The following PICK1 variants were observed in gnomAD, a reference collection of about 807,000 sequenced individuals.
PICK1 encodes the protein protein interacting with PRKCA 1.
PICK1 carries 23 observed loss-of-function variants against 48.9 expected under a neutral mutation model. That is an observed-to-expected ratio of 0.47 (90% CI 0.34 to 0.67). PICK1 has a LOEUF of 0.67. PICK1 is among the 30% of genes least tolerant of loss of function. PICK1 has a pLI of 0.01. For synonymous variants in PICK1, 217 were observed against 228.2 expected (o/e 0.95, Z 0.44); for missense variants, 423 against 557.1 (o/e 0.76, Z 2.42).
In PICK1 at chr22:38,075,039, G is replaced by A; in HGVS notation, c.1155G>A (p.Glu385=). The change falls in exon 13 of 13, where the codon GAG becomes GAA. Residue 385 remains glutamate (E), a synonymous_variant. Coordinates refer to ENST00000356976, the MANE Select transcript of PICK1 (RefSeq NM_012407.4). ...AGTTCACAGATGGGGAGGAGGAGGA[G>A]GAGGAGGAAGACACGGCAGCTGGGG... ...QEEFTDGEEE[E]EEEDTAAGEP... is the part of the protein sequence containing the mutation. The A allele has an allele frequency of 6.2e-7, 1 of 1,613,372 alleles. No homozygotes were observed. The highest frequency in any genetic ancestry group is 8.5e-7 in the Non-Finnish European group (1 of 1,180,012).
At chr22:38,070,950 C>A in intron 7 of PICK1, 59 bp downstream of exon 7, 2 of 1,412,648 alleles carry the variant, frequency 1.4e-6, no homozygotes, top group Non-Finnish European at 2.0e-6. Flanking sequence ...ATGCTCTCAG[C>A]AGAGTGGCAA....
intron 3 of PICK1, among the ~76,000 whole-genome samples, chr22:38,062,203 A>G (rs979559233): frequency 1.7e-4 from 24 of 144,308 alleles, no homozygotes; most frequent in African/African-American, 5.9e-4. Flanking sequence ...TGTTTTTTTC[A>G]TTTGCACTCT....
At chr22:38,068,058 G>A (rs1180222713) in intron 5 of PICK1, 2 of 553,536 alleles carry the variant, frequency 3.6e-6, no homozygotes, top group East Asian at 8.8e-5. Flanking sequence ...CTACCCTAGG[G>A]TTGTCCTTTG....
In PICK1 at chr22:38,074,587, G is replaced by C; in HGVS notation, c.979+136G>C. ...GAGCCCAGCCATCTGCCCAGAGCCTGGCCTGGGTGGAGCTGGCCTGTGCGC... is the reference window on the plus strand; with the variant it reads ...GAGCCCAGCCATCTGCCCAGAGCCTCGCCTGGGTGGAGCTGGCCTGTGCGC... On this transcript the variant is annotated intron_variant, in intron 12 of 12. Coordinates refer to ENST00000356976, the MANE Select transcript of PICK1 (RefSeq NM_012407.4). The surrounding 1 kb of genome is among the most constrained non-coding windows in gnomAD (Gnocchi z 4.5). 7.7e-7 allele frequency: 1 copy of C among 1,293,268 alleles called. No individual in the cohort carries two copies. The highest frequency in any genetic ancestry group is 2.5e-5 in the East Asian group (1 of 39,648). 80.1% of individuals were successfully genotyped at this position (1,293,268 alleles called of 1,614,324 possible).
At chr22:38,063,347 C>CA (rs2145863333) in intron 3 of PICK1, among the ~76,000 whole-genome samples, 1 of 151,632 alleles carries the variant, frequency 6.6e-6, no homozygotes, top group East Asian at 2.0e-4. Flanking sequence ...TTTGTAGAGA[C>CA]AGAGTTTTGC....
Position 38,073,029 on chromosome 22 carries a change from C to G in PICK1, c.720C>G (p.Asn240Lys). Residue 240 changes from asparagine to lysine, a missense_variant, in exon 10 of 13, where the codon AAC becomes AAG. Asn to Lys is a moderately conservative substitution (Grantham distance 94). Coordinates refer to ENST00000356976, the MANE Select transcript of PICK1 (RefSeq NM_012407.4). The surrounding 1 kb of genome is among the most constrained non-coding windows in gnomAD (Gnocchi z 5.7). ...TGACGGATCTGAACACGTACCTCAA[C>G]AAAGCCATCCCGGACACTCGCCTCA... ...PMLTDLNTYLNKAIPDTRLTI... is the reference protein window; with the variant it reads ...PMLTDLNTYLKKAIPDTRLTI... The G allele has an allele frequency of 1.2e-6, 2 of 1,613,914 alleles. No individual in the cohort carries two copies. Among genetic ancestry groups the G allele is most frequent in the South Asian group, 1.1e-5 (1 of 91,090 alleles).
At chr22:38,071,128 C>G (rs1350267705) in intron 7 of PICK1, among the ~76,000 whole-genome samples, 1 of 152,186 alleles carries the variant, frequency 6.6e-6, no homozygotes, top group Non-Finnish European at 1.5e-5. Flanking sequence ...GGGCGGATCA[C>G]TTAAGGTCAG....
At position 38,075,148 on chromosome 22, in the gene PICK1, G is replaced by A. The variant is rs772284505; in HGVS notation, c.*16G>A. 12 of 1,603,374 alleles carry A rather than the reference G, an allele frequency of 7.5e-6. No individual in the cohort carries two copies. In the Admixed American group the frequency reaches 1.7e-4, roughly 22 times the overall value. On this transcript the variant is annotated 3_prime_UTR_variant, in exon 13 of 13. Coordinates refer to ENST00000356976, the MANE Select transcript of PICK1 (RefSeq NM_012407.4). ...TGACTCCTGAGTGCCCCGCGGCTGTGGTGCCGGGGGCAGGGTGCGTGGGAG... is the reference window on the plus strand; with the variant it reads ...TGACTCCTGAGTGCCCCGCGGCTGTAGTGCCGGGGGCAGGGTGCGTGGGAG...
chr22:38,074,236 C>T lies in PICK1; in HGVS notation c.835-71C>T. On this transcript the variant is annotated intron_variant, in intron 11 of 12. Coordinates refer to ENST00000356976, the MANE Select transcript of PICK1 (RefSeq NM_012407.4). This position sits in a 1 kb window ranked among gnomAD's most constrained non-coding sequence, Gnocchi z 4.5. ...TGAGGTCTCAGGAATGAAGAACAGC[C>T]GTGGCTTTGAAAGCACAGTGCGGTG... is the stretch of plus-strand genomic sequence containing the variant. 7 of 1,549,502 alleles carry T rather than the reference C, an allele frequency of 4.5e-6. No individual in the cohort carries two copies. The highest frequency in any genetic ancestry group is 6.2e-6 in the Non-Finnish European group (7 of 1,125,654).
At position 38,067,783 on chromosome 22, in the gene PICK1, G is replaced by C. The variant is rs1207348035; in HGVS notation, c.349+13G>C. ...TCCCTGGACATTGGTAAGCTGGTCA[G>C]AGCAGTTACGGGTGTCCAGCAGCCT... On this transcript the variant is annotated intron_variant, in intron 5 of 12. Coordinates refer to ENST00000356976, the MANE Select transcript of PICK1 (RefSeq NM_012407.4). 3 of 1,612,178 alleles carry C rather than the reference G, an allele frequency of 1.9e-6. No individual in the cohort carries two copies. In the Admixed American group the frequency reaches 5.0e-5, roughly 27 times the overall value.
rs754392890 is a variant in PICK1 at position 38,069,091 on chromosome 22, T to C, written c.408T>C (p.Ala136=). The change falls in exon 6 of 13, where the codon GCT becomes GCC. Residue 136 remains alanine (A), a synonymous_variant. Transcript: ENST00000356976. ...VENMSSGTAD[A]LGLSRAILCN... ...ACATGAGTTCAGGGACCGCAGATGC[T>C]CTGGGCCTGAGCCGGGCCATCCTGT... is the stretch of plus-strand genomic sequence containing the variant. The C allele has an allele frequency of 1.9e-6, 3 of 1,612,540 alleles. No homozygotes were observed. The highest frequency in any genetic ancestry group is 1.7e-5 in the Admixed American group (1 of 59,924).
chr22:38,071,163 A>C (rs770562594), intron 7 of PICK1, among the ~76,000 whole-genome samples: 2 of 152,162 alleles, frequency 1.3e-5, no homozygotes, highest in African/African-American at 2.4e-5. Context: ...CCCGGCCAAC[A>C]TGGTGAAACG....
At position 38,069,029 on chromosome 22, in the gene PICK1, T is replaced by G; in HGVS notation, c.350-4T>G. On this transcript the variant is annotated splice_polypyrimidine_tract_variant and splice_region_variant and intron_variant, in intron 5 of 12. Transcript: ENST00000356976. ...ACTCACCAGGTCCTTTGTCCCCCGC[T>G]CAGTGTTGAAGAAAGTCAAGCACCG... The G allele has an allele frequency of 2.5e-6, 4 of 1,611,876 alleles. No individual in the cohort carries two copies. Among genetic ancestry groups the G allele is most frequent in the Non-Finnish European group, 3.4e-6 (4 of 1,178,796 alleles).
intron 2 of PICK1, chr22:38,058,139 T>C: frequency 2.0e-6 from 1 of 497,944 alleles, no homozygotes; most frequent in South Asian, 2.3e-5. Flanking sequence ...GAAAGCTTCA[T>C]GGAGGACGTA....
intron 5 of PICK1, 152 bp from the exon 6 acceptor site, chr22:38,068,881 G>A (rs997763745): frequency 1.5e-5 from 11 of 711,058 alleles, no homozygotes; most frequent in Non-Finnish European, 2.8e-5. Context: ...CAGGGGCCTA[G>A]GACCTCCCCA....
intron 3 of PICK1, among the ~76,000 whole-genome samples, chr22:38,062,802 G>A (rs997567522): frequency 2.0e-5 from 3 of 152,156 alleles, no homozygotes; most frequent in Non-Finnish European, 4.4e-5. Flanking sequence ...TGGCTCATTC[G>A]ATTCAAGAAT....
At chr22:38,064,877 G>A (rs761876230) in intron 3 of PICK1, 125 bp from the exon 4 acceptor site, 13 of 1,138,854 alleles carry the variant, frequency 1.1e-5, no homozygotes, top group Admixed American at 5.1e-5. Flanking sequence ...GTGGTGAGAC[G>A]CTTTCTCAAA....
chr22:38,070,505 A>G (rs1269488417), intron 6 of PICK1, among the ~76,000 whole-genome samples: 1 of 151,970 alleles, frequency 6.6e-6, no homozygotes, highest in Admixed American at 6.5e-5. Context: ...GGCAGAGACC[A>G]TGTCCTTCCT....
chr22:38,059,515 CT>C (rs1160878682), intron 3 of PICK1, among the ~76,000 whole-genome samples, 170 bp downstream of exon 3: 1 of 152,196 alleles, frequency 6.6e-6, no homozygotes, highest in Non-Finnish European at 1.5e-5. Context: ...GTCTTCTCCC[CT>C]GTGTCGCTCT....
Sources: allele counts gnomAD v4.1 joint callset (sites outside exome capture counted in the v4.1 genomes callset), GRCh38; gene constraint gnomAD v4.1.1; non-coding constraint Gnocchi (gnomAD v3.1); transcripts MANE v1.5; gene names NCBI Gene and HGNC (gene_info 2026-07-23, HGNC 2026-07-21).